Variants in CACNG4 observed in about 807,000 individuals in gnomAD.
CACNG4 encodes voltage-dependent calcium channel gamma-4 subunit.
In CACNG4, 8 loss-of-function variants were observed where a neutral mutation model predicts 22.9. The observed-to-expected ratio is 0.35, with a 90% CI of 0.21 to 0.63. The LOEUF (loss-of-function observed/expected upper bound fraction) is 0.63. CACNG4 is among the 30% of genes least tolerant of loss of function. The pLI, the probability that CACNG4 is intolerant of heterozygous loss-of-function variation, is 0.72. For synonymous variants in CACNG4, 188 were observed against 191.9 expected (o/e 0.98, Z 0.17); for missense variants, 357 against 455.4 (o/e 0.78, Z 1.97).
In CACNG4 at chr17:66,965,059, G is replaced by C. The variant is rs1467171307; in HGVS notation, c.148G>C (p.Asp50His). The C allele has an allele frequency of 1.9e-6, 3 of 1,590,178 alleles. No homozygotes were observed. The highest frequency in any genetic ancestry group is 2.3e-5 in the East Asian group (1 of 42,578). ...CAACGGCACCAACCTGACCATGGAC[G>C]ACGGGCCCCCGCCCCGCCGCGCCCG... ...ICNGTNLTMD[D>H]GPPPRRARGD... The change falls in exon 1 of 4, where the codon GAC becomes CAC. Residue 50 changes from aspartate (D) to histidine (H), a missense_variant. By Grantham distance (81) the Asp-to-His change is moderately conservative (BLOSUM62 -1). Coordinates refer to ENST00000262138, the MANE Select transcript of CACNG4 (RefSeq NM_014405.4).
At position 66,969,876 on chromosome 17, in the gene CACNG4, T is replaced by C. The variant is rs188533642; in HGVS notation, c.220+4745T>C. Among the ~76,000 whole-genome samples the C allele has an allele frequency of 4.0e-3, 610 of 152,256 alleles. 5 individuals are homozygous for C. The highest frequency in any genetic ancestry group is 0.014 in the African/African-American group (576 of 41,544). On this transcript the variant is annotated intron_variant, in intron 1 of 3. Transcript: ENST00000262138. ...CAGGCCTGGTGCTGGGCTTGAAACT[T>C]TTCTTATCTGTGTTTGCTTTCATTT...
intron 1 of CACNG4, among the ~76,000 whole-genome samples, chr17:67,000,158 C>T (rs2035399659): frequency 6.6e-6 from 1 of 152,188 alleles, no homozygotes; most frequent in Non-Finnish European, 1.5e-5. Flanking sequence ...GGACTCTCCT[C>T]TCTTTCCTTG....
chr17:67,008,164 C>T lies in CACNG4; in HGVS notation c.221-10025C>T, dbSNP rs935299873. Reference sequence around the variant, plus strand: ...TAAGTTCAATGAAGGAACTGAAGGTCACAGTGGCTTACGAGGGTCTCATGG... The same window carrying T: ...TAAGTTCAATGAAGGAACTGAAGGTTACAGTGGCTTACGAGGGTCTCATGG... On this transcript the variant is annotated intron_variant, in intron 1 of 3. Coordinates refer to ENST00000262138, the MANE Select transcript of CACNG4 (RefSeq NM_014405.4). 3.3e-5 allele frequency among the ~76,000 whole-genome samples: 5 copies of T among 152,326 alleles called. No individual in the cohort carries two copies. The East Asian group carries it at 9.6e-4, about 29-fold the overall frequency.
intron 1 of CACNG4, among the ~76,000 whole-genome samples, chr17:67,016,831 G>A (rs2035501419): frequency 6.6e-6 from 1 of 152,098 alleles, no homozygotes; most frequent in African/African-American, 2.4e-5. Flanking sequence ...AGAGGACTAG[G>A]AGAGCAGGGC....
intron 1 of CACNG4, among the ~76,000 whole-genome samples, chr17:66,994,389 A>G (rs533892930): frequency 1.3e-5 from 2 of 151,608 alleles, no homozygotes; most frequent in East Asian, 1.9e-4. Flanking sequence ...AAGGTGCCTC[A>G]GCACACCGTG....
In CACNG4 at chr17:67,020,997, AGTTCCAGCTT is replaced by A. The variant is rs1203913753; in HGVS notation, c.304+2727_304+2736del. ...GGCGTGAAGATCGCTTGAGGTTAGG[AGTTCCAGCTT>A]GGTCAACATAGTGAGACCTCATCTT... On this transcript the variant is annotated intron_variant, in intron 2 of 3. Transcript: ENST00000262138. Among the ~76,000 whole-genome samples the A allele has an allele frequency of 1.2e-4, 18 of 152,274 alleles. 1 individual carries two copies. In the East Asian group the frequency reaches 3.3e-3, roughly 28 times the overall value.
At chr17:67,003,654 CA>C (rs2035421167) in intron 1 of CACNG4, among the ~76,000 whole-genome samples, 1 of 152,134 alleles carries the variant, frequency 6.6e-6, no homozygotes, top group African/African-American at 2.4e-5. Context: ...CACGTGTTGC[CA>C]GTAGCACTTC....
chr17:66,975,155 G>T (rs1248468028), intron 1 of CACNG4, among the ~76,000 whole-genome samples: 1 of 152,176 alleles, frequency 6.6e-6, no homozygotes, highest in East Asian at 1.9e-4. Flanking sequence ...AAGGTAGAGG[G>T]CAGTTTCTTG....
chr17:66,967,566 G>A (rs946101632), intron 1 of CACNG4, among the ~76,000 whole-genome samples: 13 of 152,130 alleles, frequency 8.5e-5, no homozygotes, highest in African/African-American at 3.1e-4. Flanking sequence ...CCACTTTCTG[G>A]GGACACGGAG....
intron 1 of CACNG4, among the ~76,000 whole-genome samples, chr17:67,013,841 C>T (rs2035481436): frequency 6.6e-6 from 1 of 152,040 alleles, no homozygotes; most frequent in Non-Finnish European, 1.5e-5. Context: ...TGAAAGTGTC[C>T]CCTGATATGT....
In CACNG4 at chr17:67,030,449, CCCCGCTT is replaced by C. The variant is rs764420357; in HGVS notation, c.446-13_446-7del. ...TCCCTCCCTGGCCCCGCTCCCCGCT[CCCCGCTT>C]CCCTTTCAGGCCTCAGTAACATCAT... is the stretch of plus-strand genomic sequence containing the variant. On this transcript the variant is annotated splice_polypyrimidine_tract_variant and intron_variant, in intron 3 of 3. Transcript: ENST00000262138. This position sits in a 1 kb window ranked among gnomAD's most constrained non-coding sequence, Gnocchi z 6.4. The C allele has an allele frequency of 1.9e-6, 3 of 1,609,840 alleles. No homozygotes were observed. In the East Asian group the frequency reaches 6.7e-5, roughly 36 times the overall value.
chr17:66,977,996 G>A (rs2035248590), intron 1 of CACNG4, among the ~76,000 whole-genome samples: 1 of 152,196 alleles, frequency 6.6e-6, no homozygotes, highest in African/African-American at 2.4e-5. Context: ...ATCCCATAGG[G>A]TTGTCAGGAG....
In CACNG4 at chr17:66,983,382, A is replaced by G. The variant is rs534412270; in HGVS notation, c.220+18251A>G. Among the ~76,000 whole-genome samples the G allele has an allele frequency of 8.8e-4, 134 of 152,182 alleles. 1 individual carries two copies. Among genetic ancestry groups the G allele is most frequent in the Non-Finnish European group, 1.4e-3 (94 of 67,994 alleles). On this transcript the variant is annotated intron_variant, in intron 1 of 3. Coordinates refer to ENST00000262138, the MANE Select transcript of CACNG4 (RefSeq NM_014405.4). The stretch of plus-strand genomic sequence containing the variant: ...TGGCTCAGTGTGCTGCGAATATCCA[A>G]AATAACCCATGGTGACCCCAGGAAT...
At chr17:67,000,669 T>C (rs1204324327) in intron 1 of CACNG4, among the ~76,000 whole-genome samples, 2 of 152,166 alleles carry the variant, frequency 1.3e-5, no homozygotes, top group African/African-American at 2.4e-5. Context: ...AGTGAAGTAG[T>C]GCAGGGAAGG....
chr17:67,004,455 G>A (rs1020524147), intron 1 of CACNG4, among the ~76,000 whole-genome samples: 6 of 152,144 alleles, frequency 3.9e-5, no homozygotes, highest in Non-Finnish European at 7.4e-5. Flanking sequence ...AAGCTTCCAC[G>A]CAGCGTGGGG....
chr17:67,012,566 A>C (rs2143344562), intron 1 of CACNG4, among the ~76,000 whole-genome samples: 1 of 152,274 alleles, frequency 6.6e-6, no homozygotes, highest in South Asian at 2.1e-4. Context: ...CTGCCCACCA[A>C]GGGACAGCGT....
chr17:67,013,086 T>C (rs899255477), intron 1 of CACNG4, among the ~76,000 whole-genome samples: 20 of 152,164 alleles, frequency 1.3e-4, no homozygotes, highest in Non-Finnish European at 2.6e-4. Flanking sequence ...TCACCCCGTT[T>C]GCCTGGACTC....
At chr17:67,024,420 G>T (rs1452992225) in intron 2 of CACNG4, among the ~76,000 whole-genome samples, 2 of 152,216 alleles carry the variant, frequency 1.3e-5, no homozygotes, top group Non-Finnish European at 2.9e-5. Flanking sequence ...ACCTAATGCC[G>T]ATGCGTGTGC....
chr17:66,990,789 A>T (rs982845250), intron 1 of CACNG4, among the ~76,000 whole-genome samples: 1 of 151,592 alleles, frequency 6.6e-6, no homozygotes, highest in Admixed American at 6.6e-5. Context: ...CACACCATTC[A>T]CCTGCCTCAG....
Sources: allele counts gnomAD v4.1 joint callset (sites outside exome capture counted in the v4.1 genomes callset), GRCh38; gene constraint gnomAD v4.1.1; non-coding constraint Gnocchi (gnomAD v3.1); transcripts MANE v1.5; gene names NCBI Gene and HGNC (gene_info 2026-07-23, HGNC 2026-07-21).